Variants in UNC5D observed in about 807,000 individuals in gnomAD.
UNC5D encodes netrin receptor UNC5D.
A neutral mutation model predicts 105.4 loss-of-function variants in UNC5D; 39 were observed. The observed-to-expected ratio is 0.37, with a 90% CI of 0.29 to 0.48. The LOEUF (loss-of-function observed/expected upper bound fraction) is 0.48, where lower values mean the gene tolerates loss of function less well. Ranked by LOEUF, UNC5D falls within the 20% of genes least tolerant of loss-of-function variation. The probability of loss-of-function intolerance (pLI) is 0.98; values close to 1 mark genes in which losing one functional copy is unlikely to be tolerated. For missense variants in UNC5D, 991 were observed against 1,202.4 expected, an observed-to-expected ratio of 0.82 and a Z score of 2.60; for synonymous variants, 452 against 450.4, an observed-to-expected ratio of 1.00 and a Z score of -0.04.
chr8:35,289,228 T>C (rs538561250), intron 1 of UNC5D, among the ~76,000 whole-genome samples: 1 of 152,264 alleles, frequency 6.6e-6, no homozygotes, highest in South Asian at 2.1e-4. Flanking sequence ...AGACAAAATA[T>C]AGTTTAAGTA....
intron 1 of UNC5D, among the ~76,000 whole-genome samples, chr8:35,334,752 G>A (rs1810893294): frequency 6.6e-6 from 1 of 152,084 alleles, no homozygotes; most frequent in African/African-American, 2.4e-5. Flanking sequence ...GACCTCAGAT[G>A]ATGCACCCAC....
At chr8:35,379,452 C>T (rs551843349) in intron 1 of UNC5D, among the ~76,000 whole-genome samples, 15 of 152,220 alleles carry the variant, frequency 9.9e-5, no homozygotes, top group Admixed American at 2.0e-4. Context: ...ACTGAGTGAC[C>T]GAGCCACATG....
At chr8:35,253,104 C>CTGTG (rs150541415) in intron 1 of UNC5D, among the ~76,000 whole-genome samples, 3 of 149,280 alleles carry the variant, frequency 2.0e-5, no homozygotes, top group African/African-American at 7.4e-5. Context: ...GCAAGCTAGT[C>CTGTG]TGTGTGTGTG....
intron 8 of UNC5D, among the ~76,000 whole-genome samples, chr8:35,712,217 G>A (rs2131490365): frequency 6.6e-6 from 1 of 152,338 alleles, no homozygotes; most frequent in South Asian, 2.1e-4. Flanking sequence ...GTTACATTGA[G>A]TCAACATTGC....
intron 1 of UNC5D, among the ~76,000 whole-genome samples, chr8:35,390,689 AATTTACCAATGCATATATTTC>A (rs1331665628): frequency 6.6e-6 from 1 of 152,198 alleles, no homozygotes; most frequent in Non-Finnish European, 1.5e-5. Context: ...AGTCTCTCTA[AATTTACCAATGCATATATTTC>A]ATTTTCAAAT....
At chr8:35,502,660 G>A (rs1812045895) in intron 1 of UNC5D, among the ~76,000 whole-genome samples, 3 of 152,160 alleles carry the variant, frequency 2.0e-5, no homozygotes, top group South Asian at 4.2e-4. Flanking sequence ...CCAGGTTCAA[G>A]CGATTCCCCT....
intron 1 of UNC5D, among the ~76,000 whole-genome samples, chr8:35,517,597 G>A (rs1380870987): frequency 2.7e-4 from 41 of 152,060 alleles, no homozygotes; most frequent in Non-Finnish European, 1.5e-5. Flanking sequence ...GAGCAGTTGA[G>A]GTGAGTGCCC....
At chr8:35,299,872 T>C (rs1342419871) in intron 1 of UNC5D, among the ~76,000 whole-genome samples, 1 of 152,150 alleles carries the variant, frequency 6.6e-6, no homozygotes, top group East Asian at 1.9e-4. Context: ...TGTGAATTGA[T>C]TGCTATTGAA....
chr8:35,789,602 C>T (rs1405743361), intron 16 of UNC5D, among the ~76,000 whole-genome samples: 1 of 151,892 alleles, frequency 6.6e-6, no homozygotes, highest in Non-Finnish European at 1.5e-5. Context: ...GAGCTAGAGG[C>T]ATCTGTAACT....
At chr8:35,558,158 C>T (rs372285503) in intron 2 of UNC5D, among the ~76,000 whole-genome samples, 227 of 150,212 alleles carry the variant, frequency 1.5e-3, no homozygotes, top group African/African-American at 5.4e-3. Context: ...TCTCCCCTTC[C>T]AACCCAGAAG....
rs377021599 is a variant in UNC5D, at chr8:35,641,366, CAAAAAAAAAAAAA to C, written c.571-42174_571-42162del. On this transcript the variant is annotated intron_variant, in intron 4 of 16. Coordinates refer to ENST00000404895, the MANE Select transcript of UNC5D (RefSeq NM_080872.4). Reference sequence around the variant, plus strand: ...TGCCAAACAAGAAAAAAAAATAAAGCAAAAAAAAAAAAAAAAAAAGAAAAAAAAAAACAGCATC... The same window carrying C: ...TGCCAAACAAGAAAAAAAAATAAAGCAAAAAAGAAAAAAAAAAACAGCATC... Among the ~76,000 whole-genome samples the C allele has an allele frequency of 2.0e-4, 9 of 44,292 alleles. No individual in the cohort carries two copies. In the Admixed American group the frequency reaches 2.6e-3, roughly 13 times the overall value. 29.1% of individuals were successfully genotyped at this position (44,292 alleles called of 152,430 possible). A position where few individuals can be genotyped will look rare whatever the true frequency, so the allele number is the denominator to read the frequency against.
At chr8:35,246,663 G>A (rs766347473) in intron 1 of UNC5D, among the ~76,000 whole-genome samples, 10 of 152,126 alleles carry the variant, frequency 6.6e-5, no homozygotes, top group Admixed American at 6.5e-5. Flanking sequence ...TTTTCACGAA[G>A]CATCACGACT....
At chr8:35,788,689 AACACACACACGCACACACACAC>A (rs1802866054) in intron 16 of UNC5D, among the ~76,000 whole-genome samples, 1 of 151,184 alleles carries the variant, frequency 6.6e-6, no homozygotes, top group African/African-American at 2.4e-5. Context: ...GAAGGCAGAA[AACACACACACGCACACACACAC>A]ACACACACAC....
intron 1 of UNC5D, among the ~76,000 whole-genome samples, chr8:35,369,189 A>G (rs1278209578): frequency 2.0e-5 from 3 of 152,176 alleles, no homozygotes; most frequent in East Asian, 3.8e-4. Context: ...TAAATCACCT[A>G]TCTCTCAGGT....
chr8:35,260,795 T>G (rs975319282), intron 1 of UNC5D, among the ~76,000 whole-genome samples: 1 of 152,278 alleles, frequency 6.6e-6, no homozygotes. Flanking sequence ...CAGCTGTGAC[T>G]CTTAAATGCC....
intron 1 of UNC5D, among the ~76,000 whole-genome samples, chr8:35,282,981 C>G (rs184764394): frequency 6.6e-6 from 1 of 152,154 alleles, no homozygotes; most frequent in Non-Finnish European, 1.5e-5. Context: ...CCTTGACTAA[C>G]ACTTTCAATG....
Position 35,793,052 on chromosome 8 carries a change from C to G in UNC5D, c.*2489C>G, listed in dbSNP as rs1300260835. On this transcript the variant is annotated 3_prime_UTR_variant, in exon 17 of 17. Transcript: ENST00000404895. ...AACAAAGGAGGAAGTTAACTTAATT[C>G]ACCTCAGACTTCAGCCTAAGATTCA... is the stretch of plus-strand genomic sequence containing the variant. 1 of 453,736 alleles carries G rather than the reference C, an allele frequency of 2.2e-6. No individual in the cohort carries two copies. Among genetic ancestry groups the G allele is most frequent in the African/African-American group, 2.0e-5 (1 of 50,034 alleles). The allele number at this position is 453,736 out of a possible 1,614,324, so 28.1% of individuals were successfully genotyped here.
intron 1 of UNC5D, among the ~76,000 whole-genome samples, chr8:35,509,270 CCAAT>C (rs1812533267): frequency 1.3e-5 from 2 of 151,502 alleles, no homozygotes; most frequent in Non-Finnish European, 2.9e-5. Context: ...TTCCTGTGCA[CCAAT>C]CAAAGAAAAT....
At chr8:35,442,902 T>TCACACA (rs1163774548) in intron 1 of UNC5D, among the ~76,000 whole-genome samples, 6 of 131,706 alleles carry the variant, frequency 4.6e-5, no homozygotes, top group African/African-American at 1.9e-4. Flanking sequence ...TCTCTCTCTC[T>TCACACA]CTCACACACA....
Sources: gnomAD v4.1 joint callset for allele counts (sites outside exome capture counted in the v4.1 genomes callset) on GRCh38, gnomAD v4.1.1 for gene constraint, MANE v1.5 for transcripts, NCBI Gene and HGNC (gene_info 2026-07-23, HGNC 2026-07-21) for gene names.